Variants in MYH11 observed in about 807,000 individuals in gnomAD.
The protein encoded by MYH11 is myosin heavy chain 11, also known as myosin-11.
Under a neutral mutation model 246.6 loss-of-function variants are expected in MYH11, and 80 were observed. The ratio of observed to expected loss-of-function variants is 0.32; its 90% confidence interval spans 0.27 to 0.39. The LOEUF (loss-of-function observed/expected upper bound fraction) is 0.39. Ranked by LOEUF, MYH11 falls within the 10% of genes least tolerant of loss-of-function variation. The pLI, the probability that MYH11 is intolerant of heterozygous loss-of-function variation, is 1.00. For missense variants in MYH11, 2,158 were observed against 2,546.8 expected, an observed-to-expected ratio of 0.85 and a Z score of 3.29; for synonymous variants, 1,071 against 1,015.5, an observed-to-expected ratio of 1.05 and a Z score of -1.04.
At chr16:15,815,007 C>A (rs982050207) in intron 3 of MYH11, among the ~76,000 whole-genome samples, 7 of 152,236 alleles carry the variant, frequency 4.6e-5, no homozygotes, top group Non-Finnish European at 7.3e-5. Flanking sequence ...AACCTCCAGG[C>A]AGAAGATTTT....
At chr16:15,856,071 T>C (rs2044459899) in intron 1 of MYH11, among the ~76,000 whole-genome samples, 1 of 152,186 alleles carries the variant, frequency 6.6e-6, no homozygotes, top group Non-Finnish European at 1.5e-5. Flanking sequence ...CCCATTTGGT[T>C]GGGCACGAGA....
At chr16:15,766,781 A>G (rs2041992893) in intron 9 of MYH11, among the ~76,000 whole-genome samples, 1 of 152,172 alleles carries the variant, frequency 6.6e-6, no homozygotes, top group South Asian at 2.1e-4. Flanking sequence ...GTTAAATGTA[A>G]TTCCAGAAAT....
chr16:15,761,356 G>A (rs1383205604), intron 10 of MYH11, among the ~76,000 whole-genome samples: 2 of 152,104 alleles, frequency 1.3e-5, no homozygotes, highest in Admixed American at 6.6e-5. Context: ...CAGGCAATCC[G>A]CCCACCTCGG....
At position 15,757,773 on chromosome 16, in the gene MYH11, G is replaced by A. The variant is rs2041767555; in HGVS notation, c.1575+54C>T. 7 of 1,611,932 alleles carry A rather than the reference G, an allele frequency of 4.3e-6. No individual in the cohort carries two copies. In the Middle Eastern group the frequency reaches 1.2e-3, roughly 267 times the overall value. The stretch of plus-strand genomic sequence containing the variant: ...TGGGGTCCACGTCGGCTCCACAGAG[G>A]CCACACACGTGTACAAGGTGTGACG... On this transcript the variant is annotated intron_variant, in intron 13 of 40. Transcript: ENST00000300036.
chr16:15,816,957 A>G (rs2043277562), intron 3 of MYH11, among the ~76,000 whole-genome samples: 1 of 152,220 alleles, frequency 6.6e-6, no homozygotes, highest in Non-Finnish European at 1.5e-5. Flanking sequence ...TCCTACATGC[A>G]CTGATATGTA....
At chr16:15,796,619 C>T (rs1230519113) in intron 4 of MYH11, among the ~76,000 whole-genome samples, 2 of 152,160 alleles carry the variant, frequency 1.3e-5, no homozygotes, top group African/African-American at 2.4e-5. Flanking sequence ...AAACAGCCCC[C>T]ACAAGAATGT....
At chr16:15,748,264 C>A in intron 16 of MYH11, 96 bp from the exon 17 acceptor site, 1 of 1,575,870 alleles carries the variant, frequency 6.3e-7, no homozygotes, top group East Asian at 2.3e-5. Flanking sequence ...CCTGGCCAGG[C>A]CATGAGGGTA....
intron 4 of MYH11, among the ~76,000 whole-genome samples, chr16:15,797,554 A>ATAT (rs1567182230): frequency 6.8e-6 from 1 of 147,462 alleles, no homozygotes; most frequent in African/African-American, 2.5e-5. Flanking sequence ...TATATATATA[A>ATAT]ATATAAATAT....
At chr16:15,836,916 G>C (rs1313297398) in intron 2 of MYH11, among the ~76,000 whole-genome samples, 1 of 151,380 alleles carries the variant, frequency 6.6e-6, no homozygotes, top group Non-Finnish European at 1.5e-5. Context: ...GTAGAGACAG[G>C]GTTTCATCAC....
At chr16:15,735,676 G>A in intron 25 of MYH11, 98 bp from the exon 26 acceptor site, 1 of 1,164,634 alleles carries the variant, frequency 8.6e-7, no homozygotes. Flanking sequence ...CAGTTATGTT[G>A]CAGAGACATC....
chr16:15,729,025 TC>T (rs1165757708), intron 27 of MYH11, among the ~76,000 whole-genome samples: 2 of 151,914 alleles, frequency 1.3e-5, no homozygotes, highest in Non-Finnish European at 2.9e-5. Flanking sequence ...CTTCCCATAG[TC>T]CCTGGGAGGT....
intron 1 of MYH11, among the ~76,000 whole-genome samples, chr16:15,845,707 T>TAA (rs1555460176): frequency 9.7e-6 from 1 of 103,346 alleles, no homozygotes; most frequent in East Asian, 6.6e-4. Context: ...TGTGTGTGTG[T>TAA]GAGAGAGAGA....
intron 27 of MYH11, 42 bp from the exon 28 acceptor site, chr16:15,727,096 G>A: frequency 1.2e-5 from 19 of 1,597,288 alleles, no homozygotes; most frequent in Non-Finnish European, 1.6e-5. Flanking sequence ...GGGAGGCTGT[G>A]GCCGGGAGAA....
intron 13 of MYH11, 89 bp downstream of exon 13, chr16:15,757,738 G>A (rs535014706): frequency 3.3e-6 from 5 of 1,525,808 alleles, no homozygotes; most frequent in African/African-American, 2.7e-5. Context: ...CTATGTGCAT[G>A]GGGAGAGTGT....
intron 7 of MYH11, among the ~76,000 whole-genome samples, chr16:15,776,854 G>A (rs980813707): frequency 6.6e-6 from 1 of 152,194 alleles, no homozygotes; most frequent in Non-Finnish European, 1.5e-5. Context: ...GGGCAGGTGA[G>A]GGTGGCATGG....
In MYH11 at chr16:15,834,045, T is replaced by C. The variant is rs371101725; in HGVS notation, c.345+3863A>G. On this transcript the variant is annotated intron_variant, in intron 2 of 40. Transcript: ENST00000300036. ...ATTTTTAATCTGCTGTCAGAAGATA[T>C]TTTGGGTCTCAGGACCTTCATATGC... Among the ~76,000 whole-genome samples the C allele has an allele frequency of 5.3e-5, 8 of 152,332 alleles. No individual in the cohort carries two copies. The East Asian group carries it at 1.3e-3, about 26-fold the overall frequency.
At chr16:15,719,162 T>C (rs2151203149) in intron 36 of MYH11, 58 bp downstream of exon 36, 1 of 1,513,032 alleles carries the variant, frequency 6.6e-7, no homozygotes, top group Non-Finnish European at 9.2e-7. Flanking sequence ...GGGTCGAGGA[T>C]GCTGCCTGTC....
At chr16:15,752,888 A>G (rs999100551) in intron 15 of MYH11, among the ~76,000 whole-genome samples, 4 of 151,960 alleles carry the variant, frequency 2.6e-5, no homozygotes, top group Non-Finnish European at 4.4e-5. Flanking sequence ...CTAAATAAAT[A>G]AACAAAGCCT....
At chr16:15,776,649 A>G (rs2042227531) in intron 7 of MYH11, among the ~76,000 whole-genome samples, 1 of 152,210 alleles carries the variant, frequency 6.6e-6, no homozygotes, top group African/African-American at 2.4e-5. Context: ...AATAAGGGGA[A>G]ACTGAGGCTC....
Sources: allele counts gnomAD v4.1 joint callset (sites outside exome capture counted in the v4.1 genomes callset), GRCh38; gene constraint gnomAD v4.1.1; transcripts MANE v1.5; gene names NCBI Gene and HGNC (gene_info 2026-07-23, HGNC 2026-07-21).